The following SNX29 variants were observed in gnomAD, a reference collection of about 807,000 sequenced individuals.
The protein encoded by SNX29 is sorting nexin-29.
In SNX29, 78 loss-of-function variants were observed where a neutral mutation model predicts 102.1. That is an observed-to-expected ratio of 0.76 (90% confidence interval 0.64 to 0.92). The LOEUF is 0.92. Ranked by LOEUF, SNX29 falls within the 40% of genes least tolerant of loss-of-function variation. The pLI, the probability that SNX29 is intolerant of heterozygous loss-of-function variation, is 0.00. For missense variants in SNX29, 1,280 were observed against 1,061.7 expected (o/e 1.21, Z -2.86); for synonymous variants, 580 against 414.5 (o/e 1.40, Z -4.85).
intron 20 of SNX29, among the ~76,000 whole-genome samples, chr16:12,554,262 G>T (rs1201367343): frequency 6.6e-6 from 1 of 152,200 alleles, no homozygotes; most frequent in Non-Finnish European, 1.5e-5. Context: ...TCTGCCTTTT[G>T]GTGCATCTGT....
rs74936258 is a variant in SNX29 at position 12,178,471 on chromosome 16, A to G, written c.1596-21130A>G. Among the ~76,000 whole-genome samples, 735 of 152,306 alleles carry G rather than the reference A, an allele frequency of 4.8e-3. 12 individuals carry two copies. In the East Asian group the frequency reaches 0.052, roughly 11 times the overall value. On this transcript the variant is annotated intron_variant, in intron 13 of 20. Coordinates refer to ENST00000566228, the MANE Select transcript of SNX29 (RefSeq NM_032167.5). Reference sequence around the variant, plus strand: ...CACCCAGCTGTCCCCAGATTTCGCAAAACCAGCCTGGCTTTTGTCTTCTGT... The same window carrying G: ...CACCCAGCTGTCCCCAGATTTCGCAGAACCAGCCTGGCTTTTGTCTTCTGT...
At chr16:12,525,499 C>A (rs2076754938) in intron 20 of SNX29, among the ~76,000 whole-genome samples, 4 of 152,068 alleles carry the variant, frequency 2.6e-5, no homozygotes, top group Admixed American at 2.0e-4. Context: ...ATGTTGAAAT[C>A]CTGTCTCTAC....
At chr16:12,041,936 C>G (rs887039313) in intron 4 of SNX29, among the ~76,000 whole-genome samples, 2 of 152,158 alleles carry the variant, frequency 1.3e-5, no homozygotes, top group African/African-American at 4.8e-5. Context: ...AGACTGAAAA[C>G]TCTTGAAAAT....
At chr16:12,435,829 T>C (rs2085508894) in intron 18 of SNX29, among the ~76,000 whole-genome samples, 1 of 152,158 alleles carries the variant, frequency 6.6e-6, no homozygotes, top group Non-Finnish European at 1.5e-5. Context: ...TTCTGGGCCT[T>C]GGGCAGGTTG....
At chr16:12,342,127 G>A (rs1354982325) in intron 15 of SNX29, among the ~76,000 whole-genome samples, 1 of 152,136 alleles carries the variant, frequency 6.6e-6, no homozygotes, top group East Asian at 1.9e-4. Context: ...ACTCTGTTGG[G>A]GGTGGCCTAG....
intron 16 of SNX29, among the ~76,000 whole-genome samples, chr16:12,376,545 G>A (rs2082879508): frequency 6.6e-6 from 1 of 151,908 alleles, no homozygotes; most frequent in African/African-American, 2.4e-5. Flanking sequence ...AGACTAGTCT[G>A]GCCAACATGG....
intron 15 of SNX29, among the ~76,000 whole-genome samples, chr16:12,347,535 A>T (rs968743815): frequency 4.6e-5 from 7 of 152,086 alleles, no homozygotes; most frequent in African/African-American, 1.7e-4. Context: ...GGGACATTCG[A>T]GTCACCCTTC....
chr16:12,073,315 A>G (rs1281946068), intron 10 of SNX29, among the ~76,000 whole-genome samples: 2 of 152,210 alleles, frequency 1.3e-5, no homozygotes, highest in Middle Eastern at 3.4e-3. Context: ...ATTTAGTGCT[A>G]TAAATTTCCC....
chr16:12,163,419 T>C (rs1404136943), intron 13 of SNX29, among the ~76,000 whole-genome samples: 4 of 151,940 alleles, frequency 2.6e-5, no homozygotes, highest in East Asian at 3.9e-4. Flanking sequence ...ACCCAGGGTG[T>C]TGAGGGTGAC....
At chr16:12,169,912 A>AT (rs2076106221) in intron 13 of SNX29, among the ~76,000 whole-genome samples, 1 of 151,992 alleles carries the variant, frequency 6.6e-6, no homozygotes, top group East Asian at 2.0e-4. Flanking sequence ...AAGTGCTGGG[A>AT]TTACAGGGGT....
intron 20 of SNX29, among the ~76,000 whole-genome samples, chr16:12,525,854 C>G (rs893518609): frequency 6.6e-6 from 1 of 152,190 alleles, no homozygotes; most frequent in Non-Finnish European, 1.5e-5. Flanking sequence ...ACTTCATCCA[C>G]CCCTTTGCTC....
chr16:12,432,032 C>T (rs1328370178), intron 18 of SNX29, among the ~76,000 whole-genome samples: 2 of 152,198 alleles, frequency 1.3e-5, no homozygotes, highest in East Asian at 3.8e-4. Flanking sequence ...AACAGTTCAG[C>T]AAATAGCACT....
intron 19 of SNX29, among the ~76,000 whole-genome samples, chr16:12,479,737 G>C (rs551299263): frequency 6.6e-6 from 1 of 152,330 alleles, no homozygotes; most frequent in African/African-American, 2.4e-5. Flanking sequence ...CTGCTAACCA[G>C]CGTATTATCA....
At chr16:12,549,707 GC>G (rs1234776922) in intron 20 of SNX29, among the ~76,000 whole-genome samples, 8 of 152,226 alleles carry the variant, frequency 5.3e-5, no homozygotes, top group African/African-American at 1.7e-4. Flanking sequence ...GCTGCTTGGG[GC>G]CAGGAGAGTC....
At chr16:12,558,340 G>C (rs1380577912) in intron 20 of SNX29, among the ~76,000 whole-genome samples, 1 of 149,164 alleles carries the variant, frequency 6.7e-6, no homozygotes, top group Non-Finnish European at 1.5e-5. Flanking sequence ...AAGAGACAAA[G>C]AGGCCCCCTC....
In SNX29 at chr16:12,564,841, C is replaced by T. The variant is rs1034560705; in HGVS notation, c.2319-3665C>T. On this transcript the variant is annotated intron_variant, in intron 20 of 20. Coordinates refer to ENST00000566228, the MANE Select transcript of SNX29 (RefSeq NM_032167.5). ...CGGTGGTACACAACGCTGAAGTCGG[C>T]AGCTAACAAGGGCTATGAGAGATGA... is the stretch of plus-strand genomic sequence containing the variant. Among the ~76,000 whole-genome samples, 147 of 150,570 alleles carry T rather than the reference C, an allele frequency of 9.8e-4. 1 individual carries two copies. The highest frequency in any genetic ancestry group is 3.3e-3 in the African/African-American group (134 of 41,014).
intron 19 of SNX29, among the ~76,000 whole-genome samples, chr16:12,505,207 TGC>T: frequency 6.6e-6 from 1 of 152,364 alleles, no homozygotes; most frequent in African/African-American, 2.4e-5. Context: ...GGAGTGGAAC[TGC>T]CAGGTCATGT....
chr16:12,530,984 C>T (rs1049199009), intron 20 of SNX29, among the ~76,000 whole-genome samples: 1 of 152,232 alleles, frequency 6.6e-6, no homozygotes, highest in Non-Finnish European at 1.5e-5. Flanking sequence ...GATTTTTCTC[C>T]CCCAGACTGT....
intron 18 of SNX29, among the ~76,000 whole-genome samples, chr16:12,421,691 T>C (rs2084876557): frequency 6.6e-6 from 1 of 152,174 alleles, no homozygotes; most frequent in Non-Finnish European, 1.5e-5. Flanking sequence ...TCAACCATGA[T>C]CACCATTGTC....
Sources: allele counts gnomAD v4.1 joint callset (sites outside exome capture counted in the v4.1 genomes callset), GRCh38; gene constraint gnomAD v4.1.1; transcripts MANE v1.5; gene names NCBI Gene and HGNC (gene_info 2026-07-23, HGNC 2026-07-21).